NAV1: variants seen among roughly 807,000 people sequenced by gnomAD.
NAV1 encodes neuron navigator 1, also known as pore membrane and/or filament interacting like protein 3.
Under a neutral mutation model 175.2 loss-of-function variants are expected in NAV1, and 18 were observed. The observed-to-expected ratio is 0.10, with a 90% CI of 0.07 to 0.15. The LOEUF (loss-of-function observed/expected upper bound fraction) is 0.15, where lower values mean the gene tolerates loss of function less well. Ranked by LOEUF, NAV1 falls within the 10% of genes least tolerant of loss-of-function variation. The probability of loss-of-function intolerance (pLI) is 1.00; values close to 1 mark genes in which losing one functional copy is unlikely to be tolerated. For missense variants in NAV1, 1,731 were observed against 2,436.6 expected, an observed-to-expected ratio of 0.71 and a Z score of 6.10; for synonymous variants, 897 against 978.7, an observed-to-expected ratio of 0.92 and a Z score of 1.56.
chr1:201,758,109 C>T lies in NAV1; in HGVS notation c.1227-22312C>T, dbSNP rs74614793. Among the ~76,000 whole-genome samples, 216 of 152,342 alleles carry T rather than the reference C, an allele frequency of 1.4e-3. 3 individuals are homozygous for T. In the East Asian group the frequency reaches 0.029, roughly 21 times the overall value. On this transcript the variant is annotated intron_variant, in intron 3 of 29. Coordinates refer to ENST00000367296, the Ensembl canonical transcript of NAV1. Reference sequence around the variant, plus strand: ...GATTCTTGCCCACGAGTTGCATAGACTTCCTTTACAAAGTAAGGTCTTTGG... The same window carrying T: ...GATTCTTGCCCACGAGTTGCATAGATTTCCTTTACAAAGTAAGGTCTTTGG...
chr1:201,810,808 C>A lies in NAV1; in HGVS notation c.4797+50C>A. 2 of 1,422,386 alleles carry A rather than the reference C, an allele frequency of 1.4e-6. No individual in the cohort carries two copies. The highest frequency in any genetic ancestry group is 2.0e-6 in the Non-Finnish European group (2 of 1,016,832). 88.1% of individuals were successfully genotyped at this position (1,422,386 alleles called of 1,614,324 possible). A position where few individuals can be genotyped will look rare whatever the true frequency, so the allele number is the denominator to read the frequency against. On this transcript the variant is annotated intron_variant, in intron 24 of 29. Coordinates refer to ENST00000367296, the Ensembl canonical transcript of NAV1. This position sits in a 1 kb window ranked among gnomAD's most constrained non-coding sequence, Gnocchi z 6.0. ...CAGCCTTTGTTCATGCCTCAGCCTT[C>A]CCTAAGACCCTTCCTCGGCCCCTTC...
chr1:201,757,143 C>A (rs557271379), intron 3 of NAV1, among the ~76,000 whole-genome samples: 1 of 152,310 alleles, frequency 6.6e-6, no homozygotes, highest in East Asian at 1.9e-4. Context: ...TCCCCATTAA[C>A]TCTGCAGCTT....
chr1:201,742,139 A>G (rs1673462438), intron 3 of NAV1, among the ~76,000 whole-genome samples: 2 of 152,196 alleles, frequency 1.3e-5, no homozygotes, highest in South Asian at 4.1e-4. Context: ...ATAAAATTTA[A>G]CTAGCCTGGC....
chr1:201,811,282 G>C (rs916958351), intron 24 of NAV1, among the ~76,000 whole-genome samples: 1 of 152,166 alleles, frequency 6.6e-6, no homozygotes, highest in African/African-American at 2.4e-5. Flanking sequence ...ATACAATGGA[G>C]TTGGTTCAGA....
At chr1:201,759,067 T>TA (rs1674681000) in intron 3 of NAV1, among the ~76,000 whole-genome samples, 1 of 152,240 alleles carries the variant, frequency 6.6e-6, no homozygotes, top group Non-Finnish European at 1.5e-5. Context: ...CATACATATT[T>TA]AGGTGCTGAA....
intron 2 of NAV1, among the ~76,000 whole-genome samples, chr1:201,607,580 C>T (rs533411392): frequency 2.1e-4 from 32 of 152,210 alleles, no homozygotes; most frequent in African/African-American, 7.7e-4. Context: ...CAACCTCTGC[C>T]TCCCAGGTTC....
intron 3 of NAV1, among the ~76,000 whole-genome samples, chr1:201,757,506 T>A (rs1674589260): frequency 6.6e-6 from 1 of 152,224 alleles, no homozygotes; most frequent in Admixed American, 6.5e-5. Context: ...CTTCTGCTTT[T>A]GCTGGAATTA....
At chr1:201,789,913 T>G in intron 11 of NAV1, 121 bp downstream of exon 15, 1 of 940,072 alleles carries the variant, frequency 1.1e-6, no homozygotes, top group Non-Finnish European at 1.7e-6. Flanking sequence ...CTCTTCACTG[T>G]ACCCATTGGG....
chr1:201,649,212 G>A (rs1217491878), exon 1 of NAV1: 1 of 1,612,952 alleles, frequency 6.2e-7, no homozygotes, highest in Non-Finnish European at 8.5e-7. Context: ...CTATGCGGAG[G>A]TCAAGCCGCT....
rs1002790355 is a variant in NAV1 at position 201,598,401 on chromosome 1, G to A, written c.-33+9752G>A. 3.9e-5 allele frequency among the ~76,000 whole-genome samples: 6 copies of A among 152,154 alleles called. No homozygotes were observed. The South Asian group carries it at 6.2e-4, about 16-fold the overall frequency. ...CCCCCAAGAAACTTGATTTTACCCCGTAGGAGGGTCGTTATCAGAACCACA... is the reference window on the plus strand; with the variant it reads ...CCCCCAAGAAACTTGATTTTACCCCATAGGAGGGTCGTTATCAGAACCACA... On this transcript the variant is annotated intron_variant, in intron 2 of 33. Transcript: ENST00000685211.
intron 1 of NAV1, among the ~76,000 whole-genome samples, chr1:201,656,896 G>A (rs964956835): frequency 2.0e-5 from 3 of 152,180 alleles, no homozygotes; most frequent in African/African-American, 7.2e-5. Flanking sequence ...GTAAGTGCTG[G>A]TTACTCCTCA....
intron 1 of NAV1, among the ~76,000 whole-genome samples, chr1:201,682,573 A>G (rs1315033126): frequency 6.6e-6 from 1 of 152,198 alleles, no homozygotes; most frequent in Non-Finnish European, 1.5e-5. Context: ...GATTGGTTCC[A>G]GGACCACTGA....
At chr1:201,820,346 G>A (rs1679311270) in exon 30 of NAV1, 2 of 154,994 alleles carry the variant, frequency 1.3e-5, no homozygotes, top group Admixed American at 1.3e-4. Flanking sequence ...GGGAGATCTG[G>A]GGGAGGCAGG....
chr1:201,655,132 C>T (rs1339410390), intron 1 of NAV1, among the ~76,000 whole-genome samples: 1 of 152,202 alleles, frequency 6.6e-6, no homozygotes, highest in Non-Finnish European at 1.5e-5. Flanking sequence ...CACCCTGACT[C>T]ACGGGCCCAG....
chr1:201,756,470 G>A (rs1674470225), intron 3 of NAV1, among the ~76,000 whole-genome samples: 1 of 152,176 alleles, frequency 6.6e-6, no homozygotes, highest in South Asian at 2.1e-4. Flanking sequence ...CAAGGCACAA[G>A]AAGTGTCTCA....
chr1:201,821,085 A>G (rs1396579179), exon 30 of NAV1: 1 of 152,392 alleles, frequency 6.6e-6, no homozygotes, highest in Non-Finnish European at 1.5e-5. Flanking sequence ...GGGTAGCTCA[A>G]TTGCCAGCCT....
chr1:201,718,315 T>C lies in NAV1; in HGVS notation c.861-75T>C. On this transcript the variant is annotated intron_variant, in intron 2 of 29. Coordinates refer to ENST00000367296, the Ensembl canonical transcript of NAV1. This position sits in a 1 kb window ranked among gnomAD's most constrained non-coding sequence, Gnocchi z 4.8. The stretch of plus-strand genomic sequence containing the variant: ...CCTGTGGGTGGAGGGGAGGCATTGC[T>C]GGGGTGCATGTGAGGGGACAGGGCA... The C allele has an allele frequency of 7.1e-7, 1 of 1,407,532 alleles. No individual in the cohort carries two copies. The highest frequency in any genetic ancestry group is 1.8e-5 in the South Asian group (1 of 55,106). 87.2% of individuals were successfully genotyped at this position (1,407,532 alleles called of 1,614,324 possible). A position where few individuals can be genotyped will look rare whatever the true frequency, so the allele number is the denominator to read the frequency against.
chr1:201,571,861 G>T (rs1157095399), intron 1 of NAV1, among the ~76,000 whole-genome samples: 2 of 152,172 alleles, frequency 1.3e-5, no homozygotes, highest in African/African-American at 2.4e-5. Flanking sequence ...TTATCACAGG[G>T]GAAGGGCACA....
chr1:201,767,402 G>C (rs1317675587), intron 3 of NAV1, among the ~76,000 whole-genome samples: 2 of 151,976 alleles, frequency 1.3e-5, no homozygotes, highest in Admixed American at 6.6e-5. Context: ...AGTGAGCCGA[G>C]ATTGCGCCAT....
Sources: allele counts gnomAD v4.1 joint callset (sites outside exome capture counted in the v4.1 genomes callset), GRCh38; gene constraint gnomAD v4.1.1; non-coding constraint Gnocchi (gnomAD v3.1); transcripts MANE v1.5; gene names NCBI Gene and HGNC (gene_info 2026-07-23, HGNC 2026-07-21).